TIAM1: variants seen among roughly 807,000 people sequenced by gnomAD.
TIAM1 encodes the protein TIAM Rac1 associated GEF 1.
In TIAM1, 65 loss-of-function variants were observed where a neutral mutation model predicts 163.5. That is an observed-to-expected ratio of 0.40 (90% CI 0.33 to 0.49). TIAM1 has a LOEUF of 0.49. Ranked by LOEUF, TIAM1 falls within the 20% of genes least tolerant of loss-of-function variation. TIAM1 has a pLI of 0.77. For missense variants in TIAM1, 1,789 were observed against 2,044.7 expected, an observed-to-expected ratio of 0.87 and a Z score of 2.41; for synonymous variants, 833 against 810.1, an observed-to-expected ratio of 1.03 and a Z score of -0.48.
intron 2 of TIAM1, among the ~76,000 whole-genome samples, chr21:31,288,873 C>T (rs2073913206): frequency 1.3e-5 from 2 of 152,130 alleles, no homozygotes; most frequent in South Asian, 4.1e-4. Flanking sequence ...AAATAGGATG[C>T]CTCAGCCTTG....
intron 2 of TIAM1, among the ~76,000 whole-genome samples, chr21:31,317,119 G>A (rs1259187927): frequency 1.3e-5 from 2 of 152,212 alleles, no homozygotes; most frequent in East Asian, 3.8e-4. Flanking sequence ...CGTAAGCTCT[G>A]TCCTCTCCAT....
chr21:31,423,413 G>T (rs2043655246), intron 2 of TIAM1, among the ~76,000 whole-genome samples: 1 of 151,964 alleles, frequency 6.6e-6, no homozygotes, highest in African/African-American at 2.4e-5. Context: ...CTATCTTGAA[G>T]ATGTGAAATA....
chr21:31,374,128 C>T lies in TIAM1; in HGVS notation c.-368-34706G>A, dbSNP rs2076645870. ...AATTCTGTACCAATTACAGAAAATT[C>T]CATGTAAGTTCCAGACCCAACTCGC... is the stretch of plus-strand genomic sequence containing the variant. On this transcript the variant is annotated intron_variant, in intron 2 of 28. Transcript: ENST00000286827. 3.9e-5 allele frequency among the ~76,000 whole-genome samples: 6 copies of T among 152,122 alleles called. No individual in the cohort carries two copies. The South Asian group carries it at 1.2e-3, about 32-fold the overall frequency.
At chr21:31,322,336 A>G (rs1385026912) in intron 2 of TIAM1, among the ~76,000 whole-genome samples, 1 of 151,808 alleles carries the variant, frequency 6.6e-6, no homozygotes, top group Non-Finnish European at 1.5e-5. Context: ...TCTGCCTCAT[A>G]ATGATGGGGA....
At position 31,355,189 on chromosome 21, in the gene TIAM1, A is replaced by G. The variant is rs1365695220; in HGVS notation, c.-368-15767T>C. On this transcript the variant is annotated intron_variant, in intron 2 of 28. Coordinates refer to the TIAM1 transcript ENST00000286827. The stretch of plus-strand genomic sequence containing the variant: ...CCCCACCACCAAAAAAAAAAAAAAA[A>G]GGTAGCGGCTAATGAACTGCCCATT... 2.8e-4 allele frequency among the ~76,000 whole-genome samples: 42 copies of G among 149,702 alleles called. No homozygotes were observed. The East Asian group carries it at 7.5e-3, about 27-fold the overall frequency.
chr21:31,537,665 T>A (rs1602517107), intron 1 of TIAM1, among the ~76,000 whole-genome samples: 1 of 151,786 alleles, frequency 6.6e-6, no homozygotes, highest in Non-Finnish European at 1.5e-5. Flanking sequence ...GACACAAGAA[T>A]TGCTCGAACC....
intron 2 of TIAM1, among the ~76,000 whole-genome samples, chr21:31,321,727 A>G (rs750924750): frequency 7.2e-5 from 11 of 152,154 alleles, no homozygotes; most frequent in Non-Finnish European, 1.5e-4. Flanking sequence ...ATAAGAAGCC[A>G]AACTGATTGA....
intron 1 of TIAM1, among the ~76,000 whole-genome samples, chr21:31,504,084 A>G (rs8133739): frequency 0.062 from 9,368 of 152,236 alleles, 754 homozygotes; most frequent in African/African-American, 0.18. Flanking sequence ...CAAGAGCCTG[A>G]ATCTTCCAGA....
chr21:31,213,498 A>C, intron 9 of TIAM1, 26 bp from the exon 10 acceptor site: 1 of 1,610,994 alleles, frequency 6.2e-7, no homozygotes, highest in Non-Finnish European at 8.5e-7. Context: ...TACCACCTTA[A>C]AAAGGAATCT....
chr21:31,185,476 T>G (rs1217261891), intron 14 of TIAM1, among the ~76,000 whole-genome samples: 1 of 144,840 alleles, frequency 6.9e-6, no homozygotes, highest in Admixed American at 7.1e-5. Context: ...TATTAATATA[T>G]TCTATATTTA....
intron 1 of TIAM1, among the ~76,000 whole-genome samples, chr21:31,340,399 T>C (rs144021372): frequency 0.014 from 2,105 of 152,170 alleles, 20 homozygotes; most frequent in South Asian, 0.031. Flanking sequence ...TCAACCATAA[T>C]ATCAAACAAT....
intron 10 of TIAM1, among the ~76,000 whole-genome samples, chr21:31,212,019 C>T (rs1046671063): frequency 3.3e-5 from 5 of 152,136 alleles, no homozygotes; most frequent in African/African-American, 1.2e-4. Flanking sequence ...CAGAAATGAC[C>T]AAGTTAACAT....
intron 10 of TIAM1, among the ~76,000 whole-genome samples, chr21:31,210,594 G>GAAAGAAAGAAAGAGAGAA (rs745349921): frequency 8.5e-5 from 8 of 94,650 alleles, no homozygotes; most frequent in African/African-American, 5.0e-4. Flanking sequence ...AAGAAAGAAA[G>GAAAGAAAGAAAGAGAGAA]AGAGAAAGAA....
At chr21:31,390,861 T>A (rs2147194846) in intron 2 of TIAM1, among the ~76,000 whole-genome samples, 1 of 152,316 alleles carries the variant, frequency 6.6e-6, no homozygotes, top group African/African-American at 2.4e-5. Flanking sequence ...CCTTTCTTCA[T>A]GCAGAAAGTG....
At chr21:31,374,284 G>A (rs2076648704) in intron 2 of TIAM1, among the ~76,000 whole-genome samples, 1 of 152,170 alleles carries the variant, frequency 6.6e-6, no homozygotes, top group African/African-American at 2.4e-5. Flanking sequence ...AGAAGAGGAT[G>A]GGAAGCAACC....
intron 2 of TIAM1, among the ~76,000 whole-genome samples, chr21:31,304,584 A>C (rs2074624020): frequency 6.6e-6 from 1 of 152,236 alleles, no homozygotes; most frequent in Non-Finnish European, 1.5e-5. Flanking sequence ...TCTTTTTAAA[A>C]TGTGGTTGTG....
At chr21:31,193,506 C>A (rs1269919354) in intron 13 of TIAM1, among the ~76,000 whole-genome samples, 1 of 152,156 alleles carries the variant, frequency 6.6e-6, no homozygotes. Flanking sequence ...CAGGAGTTAT[C>A]CTCATTCTAC....
chr21:31,522,297 A>G (rs1002965383), intron 1 of TIAM1, among the ~76,000 whole-genome samples: 1 of 151,708 alleles, frequency 6.6e-6, no homozygotes, highest in Non-Finnish European at 1.5e-5. Flanking sequence ...ACCTGAGGTC[A>G]AAAGTTCGAG....
Position 31,164,282 on chromosome 21 carries a change from C to A in TIAM1, c.2991+680G>T, listed in dbSNP as rs530787224. ...GCGGGTGCCTGTAGTCCTAGCTACT[C>A]GGGAGGCTGAGGCAGAAGAATGGCG... is the stretch of plus-strand genomic sequence containing the variant. On this transcript the variant is annotated intron_variant, in intron 16 of 27. Transcript: ENST00000541036. Among the ~76,000 whole-genome samples, 5 of 151,336 alleles carry A rather than the reference C, an allele frequency of 3.3e-5. No homozygotes were observed. The South Asian group carries it at 1.0e-3, about 32-fold the overall frequency.
Sources: allele counts gnomAD v4.1 joint callset (sites outside exome capture counted in the v4.1 genomes callset), GRCh38; gene constraint gnomAD v4.1.1; transcripts MANE v1.5; gene names NCBI Gene and HGNC (gene_info 2026-07-23, HGNC 2026-07-21).